ARHGAP29: variants seen among roughly 807,000 people sequenced by gnomAD.
The protein encoded by ARHGAP29 is Rho GTPase activating protein 29.
A neutral mutation model predicts 122.6 loss-of-function variants in ARHGAP29; 43 were observed. The observed-to-expected ratio is 0.35, with a 90% CI of 0.27 to 0.45. ARHGAP29 has a LOEUF of 0.45. Among genes scored for constraint, ARHGAP29 ranks in the 20% least tolerant of loss-of-function variants. ARHGAP29 has a pLI of 1.00. For missense variants in ARHGAP29, 1,303 were observed against 1,477.2 expected, an observed-to-expected ratio of 0.88 and a Z score of 1.93; for synonymous variants, 506 against 497.1, an observed-to-expected ratio of 1.02 and a Z score of -0.24.
intron 11 of ARHGAP29, 28 bp downstream of exon 11, chr1:94,202,516 T>C (rs1454387526): frequency 6.8e-6 from 11 of 1,610,792 alleles, no homozygotes; most frequent in South Asian, 3.3e-5. Context: ...TAATTCAACT[T>C]GCAAATAAAA....
intron 3 of ARHGAP29, among the ~76,000 whole-genome samples, chr1:94,213,873 C>T (rs1207368490): frequency 6.6e-6 from 1 of 152,164 alleles, no homozygotes; most frequent in Admixed American, 6.5e-5. Flanking sequence ...CTATTATTAT[C>T]ATATAACACA....
chr1:94,177,500 T>C (rs1345100230), intron 22 of ARHGAP29, 112 bp downstream of exon 22: 7 of 733,372 alleles, frequency 9.5e-6, no homozygotes, highest in Non-Finnish European at 1.5e-5. Flanking sequence ...TGTTAACTAA[T>C]AAAGCTTCAT....
chr1:94,174,656 T>A lies in ARHGAP29; in HGVS notation c.2999A>T (p.Asp1000Val). ...KTPKPLSLKSDRSTNNVERHT... is the reference protein window; with the variant it reads ...KTPKPLSLKSVRSTNNVERHT... The stretch of plus-strand genomic sequence containing the variant: ...CCTCTCCACATTGTTTGTTGACCTA[T>A]CAGATTTCAGAGAAAGTGGCTTAGG... The change falls in exon 23 of 23, where the codon GAT becomes GTT. Residue 1000 changes from aspartate (D) to valine (V), a missense_variant. By Grantham distance (152) the Asp-to-Val change is radical. This residue lies in a region of ARHGAP29 where 620 missense variants were observed against 651.2 expected (regional missense o/e 0.95). Coordinates refer to ENST00000260526, the MANE Select transcript of ARHGAP29 (RefSeq NM_004815.4). 5 of 1,614,100 alleles carry A rather than the reference T, an allele frequency of 3.1e-6. No individual in the cohort carries two copies. Among genetic ancestry groups the A allele is most frequent in the Non-Finnish European group, 4.2e-6 (5 of 1,180,022 alleles).
Position 94,203,910 on chromosome 1 carries a change from GA to G in ARHGAP29, c.762+19del, listed in dbSNP as rs962065846. ...AGTAGTTTCTTATTATAGAACCCCC[GA>G]AGTTCACAGAACACTTACCTGAATT... On this transcript the variant is annotated intron_variant, in intron 8 of 22. Coordinates refer to ENST00000260526, the MANE Select transcript of ARHGAP29 (RefSeq NM_004815.4). 1.5e-5 allele frequency: 24 copies of G among 1,610,436 alleles called. No homozygotes were observed. The highest frequency in any genetic ancestry group is 2.0e-5 in the Non-Finnish European group (23 of 1,177,504).
chr1:94,262,980 A>G (rs1408388478), intron 1 of ARHGAP29, among the ~76,000 whole-genome samples: 1 of 152,220 alleles, frequency 6.6e-6, no homozygotes, highest in Non-Finnish European at 1.5e-5. Context: ...AATAGCAAAG[A>G]CATGGAATCA....
intron 12 of ARHGAP29, chr1:94,192,290 T>A (rs1300132480): frequency 5.3e-5 from 8 of 152,144 alleles, no homozygotes; most frequent in Admixed American, 4.6e-4. Flanking sequence ...CAATTCAAGG[T>A]ATGACCTATC....
chr1:94,194,642 C>T (rs557229659), intron 12 of ARHGAP29: 1 of 152,346 alleles, frequency 6.6e-6, no homozygotes, highest in South Asian at 2.1e-4. Flanking sequence ...TAGTCACCTC[C>T]CAAAAGCCCC....
Position 94,203,175 on chromosome 1 carries a change from A to G in ARHGAP29, c.798T>C (p.Ala266=). 6.2e-7 allele frequency: 1 copy of G among 1,612,746 alleles called. No homozygotes were observed. The highest frequency in any genetic ancestry group is 2.2e-5 in the East Asian group (1 of 44,770). ...FMPLQSLFTN[A]LLNDIESSHL... Reference sequence around the variant, plus strand: ...GACTGCTTTCTATATCATTAAGAAGAGCATTAGTAAACAGAGACTGCAGTG... The same window carrying G: ...GACTGCTTTCTATATCATTAAGAAGGGCATTAGTAAACAGAGACTGCAGTG... The change falls in exon 9 of 23, where the codon GCT becomes GCC. Residue 266 remains alanine (A), a synonymous_variant. Transcript: ENST00000260526.
chr1:94,189,305 G>A lies in ARHGAP29; in HGVS notation c.1487C>T (p.Pro496Leu). 1 of 1,612,746 alleles carries A rather than the reference G, an allele frequency of 6.2e-7. No homozygotes were observed. The highest frequency in any genetic ancestry group is 8.5e-7 in the Non-Finnish European group (1 of 1,179,368). ...LNSSQPSGFGPANSLEDVVRL... is the reference protein window; with the variant it reads ...LNSSQPSGFGLANSLEDVVRL... ...TACAACATCCTCTAAAGAGTTGGCAGGTCCAAATCCTGAAGGTTGGGAACT... is the reference window on the plus strand; with the variant it reads ...TACAACATCCTCTAAAGAGTTGGCAAGTCCAAATCCTGAAGGTTGGGAACT... Residue 496 changes from proline (P) to leucine (L), a missense_variant, in exon 14 of 23, where the codon CCT becomes CTT. Physicochemically the swap from Pro to Leu is moderately conservative, Grantham distance 98. Transcript: ENST00000260526.
chr1:94,264,296 T>C lies in ARHGAP29; in HGVS notation c.-33+10716A>G, dbSNP rs1295041628. ...CTCTGAGTCTTTCTGCATTAGATTCTGTGTTAATTCTCATCTCATCTCCAT... is the reference window on the plus strand; with the variant it reads ...CTCTGAGTCTTTCTGCATTAGATTCCGTGTTAATTCTCATCTCATCTCCAT... On this transcript the variant is annotated intron_variant and NMD_transcript_variant, in intron 1 of 25. Transcript: ENST00000552844. Among the ~76,000 whole-genome samples the C allele has an allele frequency of 2.0e-5, 3 of 152,154 alleles. No individual in the cohort carries two copies. In the East Asian group the frequency reaches 5.8e-4, roughly 29 times the overall value.
At chr1:94,227,959 T>C (rs1652703750) in intron 2 of ARHGAP29, among the ~76,000 whole-genome samples, 3 of 151,686 alleles carry the variant, frequency 2.0e-5, no homozygotes, top group African/African-American at 7.2e-5. Context: ...AACTAAAACT[T>C]CAAATTCCAC....
intron 1 of ARHGAP29, among the ~76,000 whole-genome samples, chr1:94,264,953 T>A (rs946643760): frequency 7.2e-5 from 11 of 152,220 alleles, no homozygotes; most frequent in African/African-American, 2.7e-4. Context: ...TCACTTTGGC[T>A]CAAGGCTTTA....
chr1:94,208,752 C>A (rs971805918), intron 5 of ARHGAP29, 80 bp downstream of exon 5: 2 of 1,414,382 alleles, frequency 1.4e-6, no homozygotes, highest in East Asian at 4.7e-5. Context: ...GAGCCACCAC[C>A]CCCGGCCTAA....
chr1:94,308,675 G>A, the ARHGAP29 span, among the ~76,000 whole-genome samples: 7 of 152,074 alleles, frequency 4.6e-5, no homozygotes, highest in Admixed American at 6.6e-5. Context: ...CAGCCACTGC[G>A]CCAGGATCCC....
At chr1:94,220,758 C>A (rs1032883554) in intron 2 of ARHGAP29, among the ~76,000 whole-genome samples, 6 of 152,030 alleles carry the variant, frequency 3.9e-5, no homozygotes, top group Admixed American at 3.9e-4. Context: ...TCCAGTAACT[C>A]TTAGGCATAT....
intron 3 of ARHGAP29, among the ~76,000 whole-genome samples, chr1:94,213,923 T>A (rs1474004563): frequency 6.6e-6 from 1 of 152,198 alleles, no homozygotes; most frequent in African/African-American, 2.4e-5. Context: ...AAATTAGATG[T>A]CTTTTTTCTT....
chr1:94,240,828 G>T (rs1280601742), upstream of ARHGAP29, among the ~76,000 whole-genome samples: 1 of 152,144 alleles, frequency 6.6e-6, no homozygotes, highest in Non-Finnish European at 1.5e-5. Context: ...TGTGGTACCA[G>T]ACTGCACAGA....
intron 1 of ARHGAP29, among the ~76,000 whole-genome samples, chr1:94,254,481 G>A (rs916097474): frequency 6.6e-6 from 1 of 152,158 alleles, no homozygotes; most frequent in Non-Finnish European, 1.5e-5. Flanking sequence ...AGCCTGAATT[G>A]GCTGCAAGGT....
chr1:94,170,190 A>G lies in ARHGAP29; in HGVS notation c.*3679T>C, dbSNP rs115967430. Among the ~76,000 whole-genome samples the G allele has an allele frequency of 3.1e-3, 465 of 152,340 alleles. 1 individual carries two copies. The highest frequency in any genetic ancestry group is 0.011 in the African/African-American group (444 of 41,582). ...TAATTTTACAATGGAGAAACCTGGT[A>G]TATACTATCTGAACCAAGTGACCAA... On this transcript the variant is annotated 3_prime_UTR_variant, in exon 23 of 23. Coordinates refer to ENST00000260526, the MANE Select transcript of ARHGAP29 (RefSeq NM_004815.4).
Sources: gnomAD v4.1 joint callset for allele counts (sites outside exome capture counted in the v4.1 genomes callset) on GRCh38, gnomAD v4.1.1 for gene constraint, gnomAD v4.1.1 regional missense constraint, MANE v1.5 for transcripts, NCBI Gene and HGNC (gene_info 2026-07-23, HGNC 2026-07-21) for gene names.